Variants in ADK observed in about 807,000 individuals in gnomAD.
ADK encodes the protein N6,N6-dimethyladenosine kinase.
ADK carries 24 observed loss-of-function variants against 44.7 expected under a neutral mutation model. That is an observed-to-expected ratio of 0.54 (90% CI 0.39 to 0.76). The LOEUF is 0.76. Ranked by LOEUF, ADK falls within the 30% of genes least tolerant of loss-of-function variation. The probability of loss-of-function intolerance (pLI) is 0.00; values close to 1 mark genes in which losing one functional copy is unlikely to be tolerated. For missense variants in ADK, 321 were observed against 425.1 expected, an observed-to-expected ratio of 0.76 and a Z score of 2.15; for synonymous variants, 128 against 142.6, an observed-to-expected ratio of 0.90 and a Z score of 0.73.
Position 74,501,311 on chromosome 10 carries a change from T to C in ADK, c.556-23945T>C, listed in dbSNP as rs77942902. Among the ~76,000 whole-genome samples, 809 of 152,322 alleles carry C rather than the reference T, an allele frequency of 5.3e-3. 6 individuals carry two copies. Among genetic ancestry groups the C allele is most frequent in the African/African-American group, 0.018 (754 of 41,580 alleles). On this transcript the variant is annotated intron_variant, in intron 6 of 10. Coordinates refer to ENST00000539909, the MANE Select transcript of ADK (RefSeq NM_006721.4). Reference sequence around the variant, plus strand: ...CAATTAGGTACTTCAAGATCACTTGTATTCTCTGCTTCTCTTTCAGAGCCT... The same window carrying C: ...CAATTAGGTACTTCAAGATCACTTGCATTCTCTGCTTCTCTTTCAGAGCCT...
At chr10:74,369,068 T>A (rs547261884) in intron 4 of ADK, among the ~76,000 whole-genome samples, 1 of 152,242 alleles carries the variant, frequency 6.6e-6, no homozygotes, top group Admixed American at 6.5e-5. Flanking sequence ...AGATAAAGAG[T>A]TACTACTTTG....
intron 3 of ADK, among the ~76,000 whole-genome samples, chr10:74,250,747 G>A (rs932519244): frequency 6.6e-6 from 1 of 151,998 alleles, no homozygotes; most frequent in African/African-American, 2.4e-5. Context: ...TAGAACACAG[G>A]GATGGATTAA....
intron 6 of ADK, among the ~76,000 whole-genome samples, chr10:74,456,626 C>G (rs1845954951): frequency 7.1e-6 from 1 of 141,758 alleles, no homozygotes; most frequent in South Asian, 2.3e-4. Flanking sequence ...GAGATCGCGC[C>G]ACTGCACTCC....
At chr10:74,644,129 A>G (rs535522020) in intron 9 of ADK, among the ~76,000 whole-genome samples, 1 of 152,208 alleles carries the variant, frequency 6.6e-6, no homozygotes, top group Non-Finnish European at 1.5e-5. Context: ...CTAGGCTGCC[A>G]TTAGTACCTG....
At chr10:74,211,725 G>T (rs7075393) in intron 2 of ADK, among the ~76,000 whole-genome samples, 6,210 of 152,142 alleles carry the variant, frequency 0.041, 454 homozygotes, top group African/African-American at 0.14. Context: ...TGTGGCTAGT[G>T]CAACTGATGA....
At chr10:74,618,363 T>A (rs908569566) in intron 9 of ADK, among the ~76,000 whole-genome samples, 8 of 152,342 alleles carry the variant, frequency 5.3e-5, no homozygotes, top group Non-Finnish European at 7.3e-5. Flanking sequence ...TGATCTCAGC[T>A]CACTGCAGCC....
At chr10:74,567,699 G>GTTTTTTTTTTT (rs56042541) in intron 7 of ADK, among the ~76,000 whole-genome samples, 23 of 112,348 alleles carry the variant, frequency 2.0e-4, no homozygotes, top group Middle Eastern at 5.0e-3. Flanking sequence ...TGTTTTTTTT[G>GTTTTTTTTTTT]TTTTTTTTTT....
intron 7 of ADK, among the ~76,000 whole-genome samples, chr10:74,568,122 T>A (rs1850759005): frequency 6.6e-6 from 1 of 152,142 alleles, no homozygotes; most frequent in African/African-American, 2.4e-5. Flanking sequence ...TAAACTTTGT[T>A]AAAAGATTAT....
intron 6 of ADK, among the ~76,000 whole-genome samples, chr10:74,415,699 G>C (rs1844344697): frequency 1.3e-5 from 2 of 152,014 alleles, no homozygotes; most frequent in Admixed American, 1.3e-4. Flanking sequence ...GTAATCTAAT[G>C]TTAGAACATT....
At chr10:74,151,445 C>T in intron 1 of ADK, 102 bp downstream of exon 1, 1 of 1,301,770 alleles carries the variant, frequency 7.7e-7, no homozygotes, top group Non-Finnish European at 1.1e-6. Flanking sequence ...TCTCTCACTG[C>T]CAGCTTGGGG....
At chr10:74,463,721 C>T (rs1846253806) in intron 6 of ADK, among the ~76,000 whole-genome samples, 1 of 152,040 alleles carries the variant, frequency 6.6e-6, no homozygotes, top group South Asian at 2.1e-4. Flanking sequence ...TCTTTTTTCT[C>T]ATTGTTAGGA....
At chr10:74,677,643 T>C (rs1335588564) in intron 10 of ADK, among the ~76,000 whole-genome samples, 1 of 152,144 alleles carries the variant, frequency 6.6e-6, no homozygotes, top group East Asian at 1.9e-4. Context: ...AAAACCTTCA[T>C]ATGACCCACA....
At chr10:74,269,511 G>A (rs1846345899) in intron 3 of ADK, among the ~76,000 whole-genome samples, 2 of 152,148 alleles carry the variant, frequency 1.3e-5, no homozygotes, top group Admixed American at 1.3e-4. Flanking sequence ...ACCAAAAATA[G>A]TGTATACTGA....
rs1554887332 is a variant in ADK at position 74,606,867 on chromosome 10, G to A, written c.877+6374G>A. Reference sequence around the variant, plus strand: ...CCACTATTATTGTGTGGGAGTCTAGGTCTCTTTGTAGGTCTCTAAGAACTT... The same window carrying A: ...CCACTATTATTGTGTGGGAGTCTAGATCTCTTTGTAGGTCTCTAAGAACTT... On this transcript the variant is annotated intron_variant, in intron 9 of 10. Transcript: ENST00000539909. 2.0e-5 allele frequency among the ~76,000 whole-genome samples: 3 copies of A among 152,084 alleles called. No homozygotes were observed. The South Asian group carries it at 6.2e-4, about 32-fold the overall frequency.
intron 6 of ADK, among the ~76,000 whole-genome samples, chr10:74,466,244 C>T (rs1005572044): frequency 6.6e-6 from 1 of 152,082 alleles, no homozygotes; most frequent in Non-Finnish European, 1.5e-5. Flanking sequence ...CAGCTGAGCT[C>T]TTCAAACTTC....
chr10:74,194,928 T>A (rs1023381848), intron 1 of ADK, among the ~76,000 whole-genome samples: 2 of 152,188 alleles, frequency 1.3e-5, no homozygotes, highest in Non-Finnish European at 2.9e-5. Flanking sequence ...CATTAATATA[T>A]CAATAGCCAA....
intron 3 of ADK, among the ~76,000 whole-genome samples, chr10:74,269,629 G>A (rs1175358549): frequency 1.3e-5 from 2 of 152,114 alleles, no homozygotes; most frequent in Non-Finnish European, 2.9e-5. Flanking sequence ...TGTTATATAG[G>A]TGTAAAAGTG....
intron 6 of ADK, among the ~76,000 whole-genome samples, chr10:74,500,733 A>G (rs1300171203): frequency 6.6e-6 from 1 of 152,204 alleles, no homozygotes; most frequent in Non-Finnish European, 1.5e-5. Flanking sequence ...CAAGTGAGAA[A>G]CTGGTTTGAA....
At chr10:74,522,415 C>T (rs900604147) in intron 6 of ADK, among the ~76,000 whole-genome samples, 11 of 152,012 alleles carry the variant, frequency 7.2e-5, no homozygotes, top group Non-Finnish European at 8.8e-5. Flanking sequence ...CTTGCTTCTG[C>T]GGGTTTTCTC....
Sources: gnomAD v4.1 joint callset for allele counts (sites outside exome capture counted in the v4.1 genomes callset) on GRCh38, gnomAD v4.1.1 for gene constraint, MANE v1.5 for transcripts, NCBI Gene and HGNC (gene_info 2026-07-23, HGNC 2026-07-21) for gene names.